LRBA: variants seen among roughly 807,000 people sequenced by gnomAD.
LRBA encodes the protein LPS responsive beige-like anchor protein.
A neutral mutation model predicts 330.0 loss-of-function variants in LRBA; 176 were observed. The ratio of observed to expected loss-of-function variants is 0.53; its 90% CI spans 0.47 to 0.60. The LOEUF (loss-of-function observed/expected upper bound fraction) is 0.60, where lower values mean the gene tolerates loss of function less well. Ranked by LOEUF, LRBA falls within the 20% of genes least tolerant of loss-of-function variation. LRBA has a pLI of 0.00. For synonymous variants in LRBA, 1,230 were observed against 1,193.0 expected, an observed-to-expected ratio of 1.03 and a Z score of -0.64; for missense variants, 3,259 against 3,444.8, an observed-to-expected ratio of 0.95 and a Z score of 1.35.
intron 37 of LRBA, among the ~76,000 whole-genome samples, chr4:150,602,372 T>C (rs1314988336): frequency 6.6e-6 from 1 of 152,198 alleles, no homozygotes; most frequent in East Asian, 1.9e-4. Flanking sequence ...CAATTTCAGA[T>C]TGTGTAGGTA....
intron 37 of LRBA, among the ~76,000 whole-genome samples, chr4:150,631,007 G>A (rs1777324625): frequency 1.3e-5 from 2 of 151,940 alleles, no homozygotes; most frequent in Non-Finnish European, 2.9e-5. Context: ...CATAATGTCT[G>A]TAAAAACATT....
rs532658050 is a variant in LRBA at position 150,556,521 on chromosome 4, C to A, written c.6330+31527G>T. ...ATGAATAATTATATACATAGTTACA[C>A]AGAATGTGAATACCTTATTAGCCTA... On this transcript the variant is annotated intron_variant, in intron 40 of 56. Coordinates refer to ENST00000651943, the MANE Select transcript of LRBA (RefSeq NM_001364905.1). Among the ~76,000 whole-genome samples the A allele has an allele frequency of 3.9e-5, 6 of 152,300 alleles. No individual in the cohort carries two copies. In the East Asian group the frequency reaches 7.7e-4, roughly 20 times the overall value.
In LRBA at chr4:150,311,355, T is replaced by A. The variant is rs1731033730; in HGVS notation, c.7694-971A>T. Reference sequence around the variant, plus strand: ...AAATCAGAACAAACAAACTTCTGCATCCGATTATTAAGCTTTTCACCATAA... The same window carrying A: ...AAATCAGAACAAACAAACTTCTGCAACCGATTATTAAGCTTTTCACCATAA... On this transcript the variant is annotated intron_variant, in intron 51 of 56. Transcript: ENST00000651943. The A allele has an allele frequency of 2.0e-5, 3 of 152,202 alleles. No homozygotes were observed. In the South Asian group the frequency reaches 6.2e-4, roughly 31 times the overall value. 9.4% of individuals were successfully genotyped at this position (152,202 alleles called of 1,614,324 possible).
intron 46 of LRBA, among the ~76,000 whole-genome samples, chr4:150,417,064 C>T (rs56984259): frequency 0.38 from 57,270 of 151,744 alleles, 11,673 homozygotes; most frequent in Non-Finnish European, 0.47. Context: ...TGGGTTCTAC[C>T]TACACAGTAT....
At chr4:150,526,821 T>C (rs1025635576) in intron 40 of LRBA, among the ~76,000 whole-genome samples, 19 of 152,084 alleles carry the variant, frequency 1.2e-4, no homozygotes, top group African/African-American at 4.6e-4. Flanking sequence ...CATGATGCCA[T>C]TATCATGTAT....
intron 35 of LRBA, among the ~76,000 whole-genome samples, chr4:150,748,812 G>A (rs1733122808): frequency 6.6e-6 from 1 of 152,098 alleles, no homozygotes; most frequent in Non-Finnish European, 1.5e-5. Flanking sequence ...TAGGTCATGA[G>A]GGCTCCTTCC....
intron 40 of LRBA, among the ~76,000 whole-genome samples, chr4:150,568,983 A>G (rs1248151232): frequency 6.6e-6 from 1 of 152,174 alleles, no homozygotes; most frequent in Non-Finnish European, 1.5e-5. Context: ...TGTAACCTTG[A>G]GCAAGAGACC....
At chr4:151,001,417 T>A (rs938763605) in intron 2 of LRBA, among the ~76,000 whole-genome samples, 1 of 152,096 alleles carries the variant, frequency 6.6e-6, no homozygotes, top group African/African-American at 2.4e-5. Context: ...GGGGGCCTGA[T>A]GACATGCCAG....
intron 2 of LRBA, among the ~76,000 whole-genome samples, chr4:150,986,965 C>A (rs1163652030): frequency 6.6e-6 from 1 of 152,200 alleles, no homozygotes; most frequent in African/African-American, 2.4e-5. Flanking sequence ...ATTCGACCAA[C>A]AATATACCCT....
At chr4:150,792,501 C>T (rs933787410) in intron 34 of LRBA, among the ~76,000 whole-genome samples, 3 of 151,958 alleles carry the variant, frequency 2.0e-5, no homozygotes, top group South Asian at 4.1e-4. Flanking sequence ...ATAAAGTTGA[C>T]GTTTTTTATT....
intron 31 of LRBA, among the ~76,000 whole-genome samples, chr4:150,809,140 A>C (rs1743236128): frequency 2.0e-5 from 3 of 152,228 alleles, no homozygotes; most frequent in Non-Finnish European, 4.4e-5. Context: ...TAGAATTCAT[A>C]TCTATATGAA....
At chr4:150,499,154 T>C (rs1203950889) in intron 40 of LRBA, among the ~76,000 whole-genome samples, 1 of 152,174 alleles carries the variant, frequency 6.6e-6, no homozygotes, top group Non-Finnish European at 1.5e-5. Flanking sequence ...TTTTGCACCT[T>C]TATGCCAACA....
At chr4:150,560,914 A>T (rs1049095308) in intron 40 of LRBA, among the ~76,000 whole-genome samples, 1 of 152,034 alleles carries the variant, frequency 6.6e-6, no homozygotes, top group Non-Finnish European at 1.5e-5. Context: ...TGAACCCAGA[A>T]GTGGAGGTTG....
chr4:150,506,368 G>A (rs1416020007), intron 40 of LRBA, among the ~76,000 whole-genome samples: 1 of 151,034 alleles, frequency 6.6e-6, no homozygotes, highest in East Asian at 1.9e-4. Context: ...ACATCAAAAA[G>A]CTTATCCACC....
chr4:150,651,487 C>G (rs921209879), intron 37 of LRBA, among the ~76,000 whole-genome samples: 1 of 151,990 alleles, frequency 6.6e-6, no homozygotes, highest in Non-Finnish European at 1.5e-5. Context: ...AATCTTTAAG[C>G]GCTACCACAG....
intron 37 of LRBA, among the ~76,000 whole-genome samples, chr4:150,658,148 T>C (rs1222856134): frequency 6.6e-6 from 1 of 150,838 alleles, no homozygotes; most frequent in Non-Finnish European, 1.5e-5. Flanking sequence ...TCCACAGATA[T>C]TGTGCTCTCA....
intron 36 of LRBA, among the ~76,000 whole-genome samples, chr4:150,708,943 A>G (rs917030380): frequency 2.4e-4 from 36 of 151,990 alleles, no homozygotes; most frequent in African/African-American, 7.7e-4. Context: ...AACACAGGTT[A>G]AATTTCTCAA....
At chr4:150,271,566 T>TGG (rs1411098150) in intron 56 of LRBA, among the ~76,000 whole-genome samples, 1 of 124,878 alleles carries the variant, frequency 8.0e-6, no homozygotes, top group African/African-American at 3.7e-5. Flanking sequence ...TCTGGCTCGG[T>TGG]GGGTCCCACT....
chr4:150,640,487 A>G (rs1372023254), intron 37 of LRBA, among the ~76,000 whole-genome samples: 2 of 152,206 alleles, frequency 1.3e-5, no homozygotes, highest in African/African-American at 2.4e-5. Flanking sequence ...AGCACTGTTG[A>G]TTAATATTAT....
Sources: allele counts gnomAD v4.1 joint callset (sites outside exome capture counted in the v4.1 genomes callset), GRCh38; gene constraint gnomAD v4.1.1; transcripts MANE v1.5; gene names NCBI Gene and HGNC (gene_info 2026-07-23, HGNC 2026-07-21).